The following RNF6 variants were observed in gnomAD, a reference collection of about 807,000 sequenced individuals.
The protein encoded by RNF6 is ring finger protein 6.
Under a neutral mutation model 50.1 loss-of-function variants are expected in RNF6, and 21 were observed. That is an observed-to-expected ratio of 0.42 (90% CI 0.30 to 0.60). RNF6 has a LOEUF of 0.60. Ranked by LOEUF, RNF6 falls within the 20% of genes least tolerant of loss-of-function variation. RNF6 has a pLI of 0.20. For synonymous variants in RNF6, 255 were observed against 291.8 expected, an observed-to-expected ratio of 0.87 and a Z score of 1.29; for missense variants, 698 against 838.2, an observed-to-expected ratio of 0.83 and a Z score of 2.07.
At chr13:26,134,208 T>C (rs1040934989) in intron 5 of RNF6, among the ~76,000 whole-genome samples, 9 of 152,216 alleles carry the variant, frequency 5.9e-5, no homozygotes, top group Non-Finnish European at 1.3e-4. Flanking sequence ...TCGTCTCCAC[T>C]GACACTATGA....
At chr13:26,134,588 G>T (rs1162263593) in intron 5 of RNF6, among the ~76,000 whole-genome samples, 1 of 152,084 alleles carries the variant, frequency 6.6e-6, no homozygotes, top group Non-Finnish European at 1.5e-5. Context: ...AAAACTCAGG[G>T]AACTCACCAC....
At chr13:26,138,000 T>C (rs1355769115) in intron 5 of RNF6, among the ~76,000 whole-genome samples, 1 of 152,130 alleles carries the variant, frequency 6.6e-6, no homozygotes, top group East Asian at 1.9e-4. Context: ...CCCAAGAAGC[T>C]TAACAAAATA....
chr13:26,140,494 C>T (rs1870879978), intron 5 of RNF6, among the ~76,000 whole-genome samples: 1 of 152,110 alleles, frequency 6.6e-6, no homozygotes, highest in African/African-American at 2.4e-5. Flanking sequence ...AAGGAACATA[C>T]CTCAAAATAA....
chr13:26,210,508 G>A (rs1214480085), downstream of RNF6, among the ~76,000 whole-genome samples: 2 of 152,166 alleles, frequency 1.3e-5, no homozygotes, highest in South Asian at 2.1e-4. Context: ...TCTTTTAGGG[G>A]CAACTCTTCT....
chr13:26,186,576 C>G (rs1224664320), intron 5 of RNF6, among the ~76,000 whole-genome samples: 1 of 152,222 alleles, frequency 6.6e-6, no homozygotes, highest in Non-Finnish European at 1.5e-5. Context: ...ACACCGCCAG[C>G]GCGGACCCTG....
intron 5 of RNF6, among the ~76,000 whole-genome samples, chr13:26,139,804 T>G (rs1392561649): frequency 6.6e-6 from 1 of 152,228 alleles, no homozygotes; most frequent in Non-Finnish European, 1.5e-5. Context: ...TTTATAATTT[T>G]TGTTGCTATT....
intron 5 of RNF6, among the ~76,000 whole-genome samples, chr13:26,175,415 A>T (rs1872909066): frequency 6.6e-6 from 1 of 152,114 alleles, no homozygotes; most frequent in African/African-American, 2.4e-5. Flanking sequence ...TGACGCGAAG[A>T]GTAAGAAACT....
intron 5 of RNF6, among the ~76,000 whole-genome samples, chr13:26,165,698 C>G (rs1872418751): frequency 1.3e-5 from 2 of 152,220 alleles, no homozygotes; most frequent in African/African-American, 4.8e-5. Context: ...TTTGACTGCC[C>G]TGCTGGATTT....
chr13:26,168,270 C>G (rs1445548138), intron 5 of RNF6, among the ~76,000 whole-genome samples: 2 of 152,188 alleles, frequency 1.3e-5, no homozygotes, highest in Non-Finnish European at 2.9e-5. Flanking sequence ...AGTTCTCTAT[C>G]TCAGTGGACT....
intron 5 of RNF6, among the ~76,000 whole-genome samples, chr13:26,185,072 T>C (rs1207880528): frequency 6.6e-6 from 1 of 152,134 alleles, no homozygotes; most frequent in Non-Finnish European, 1.5e-5. Context: ...ACACGGTTCA[T>C]TGCAGCCTCA....
In RNF6 at chr13:26,214,397, ACTCAGTT is replaced by A; in HGVS notation, c.1478_1484del (p.Glu493ValfsTer3). On this transcript the variant is annotated frameshift_variant, in exon 5 of 5. Coordinates refer to ENST00000381588, the MANE Select transcript of RNF6 (RefSeq NM_005977.4). LOFTEE classifies it high-confidence loss of function. Reference sequence around the variant, plus strand: ...ACTCAGAATCGGCCTCCATTAGAGAACTCAGTTCTCCAAACCCAGTCATGATCTGCCT... The same window carrying A: ...ACTCAGAATCGGCCTCCATTAGAGAACTCCAAACCCAGTCATGATCTGCCT... The A allele has an allele frequency of 6.2e-7, 1 of 1,614,090 alleles. No homozygotes were observed. The highest frequency in any genetic ancestry group is 8.5e-7 in the Non-Finnish European group (1 of 1,180,022).
At chr13:26,208,865 G>A (rs368508107), downstream of RNF6, among the ~76,000 whole-genome samples, 27 of 152,260 alleles carry the variant, frequency 1.8e-4, no homozygotes, top group East Asian at 4.8e-3. Flanking sequence ...ACATTCAAGG[G>A]AAGATTAAAG....
intron 5 of RNF6, among the ~76,000 whole-genome samples, chr13:26,139,317 T>TCTGCC (rs1336626538): frequency 7.9e-5 from 12 of 152,198 alleles, no homozygotes; most frequent in African/African-American, 2.4e-4. Flanking sequence ...AGCTGTTTCC[T>TCTGCC]CTGCCCTGCC....
chr13:26,173,028 G>A (rs562661023), intron 5 of RNF6, among the ~76,000 whole-genome samples: 1 of 152,270 alleles, frequency 6.6e-6, no homozygotes, highest in Admixed American at 6.5e-5. Context: ...ATAATTATAT[G>A]AGAACATGCA....
At chr13:26,155,776 T>G (rs758645103) in intron 5 of RNF6, among the ~76,000 whole-genome samples, 21 of 152,160 alleles carry the variant, frequency 1.4e-4, no homozygotes, top group Non-Finnish European at 2.8e-4. Context: ...GCGTCATCTG[T>G]TTCCATGGGT....
At chr13:26,221,515 T>C (rs1870493198) in intron 1 of RNF6, 185 bp from the exon 2 acceptor site, 1 of 152,234 alleles carries the variant, frequency 6.6e-6, no homozygotes, top group South Asian at 2.1e-4. Context: ...GGCCCCTACC[T>C]TCCGCAACAA....
At chr13:26,139,353 A>G (rs1206091231) in intron 5 of RNF6, among the ~76,000 whole-genome samples, 28 of 152,084 alleles carry the variant, frequency 1.8e-4, no homozygotes, top group Admixed American at 1.8e-3. Flanking sequence ...AAACCCCAAT[A>G]AATGCTCTGG....
chr13:26,215,250 T>C lies in RNF6; in HGVS notation c.632A>G (p.Asn211Ser), dbSNP rs541947639. Residue 211 changes from asparagine to serine, a missense_variant, in exon 5 of 5, where the codon AAC becomes AGC. Coordinates refer to ENST00000381588, the MANE Select transcript of RNF6 (RefSeq NM_005977.4). The stretch of plus-strand genomic sequence containing the variant: ...TGAAGCAAGCCTAGTCCTTGGAATG[T>C]TGGAACTACTACCATTGAAATTCAC... ...TSVNFNGSSS[N>S]IPRTRLASRG... 50 of 1,614,216 alleles carry C rather than the reference T, an allele frequency of 3.1e-5. No homozygotes were observed. The Middle Eastern group carries it at 4.9e-4, about 16-fold the overall frequency.
At chr13:26,181,531 G>A (rs1216254496) in intron 5 of RNF6, among the ~76,000 whole-genome samples, 2 of 152,206 alleles carry the variant, frequency 1.3e-5, no homozygotes, top group African/African-American at 4.8e-5. Context: ...GGGTGGAAAT[G>A]TCCACGTCCA....
Sources: gnomAD v4.1 joint callset for allele counts (sites outside exome capture counted in the v4.1 genomes callset) on GRCh38, gnomAD v4.1.1 for gene constraint, MANE v1.5 for transcripts, NCBI Gene and HGNC (gene_info 2026-07-23, HGNC 2026-07-21) for gene names.